The following CADM2 variants were observed in gnomAD, a reference collection of about 807,000 sequenced individuals.
CADM2 encodes the protein immunoglobulin superfamily member 4D.
A neutral mutation model predicts 49.8 loss-of-function variants in CADM2; 12 were observed. The ratio of observed to expected loss-of-function variants is 0.24; its 90% confidence interval spans 0.15 to 0.39. The LOEUF (loss-of-function observed/expected upper bound fraction) is 0.39, where lower values mean the gene tolerates loss of function less well. Ranked by LOEUF, CADM2 falls within the 10% of genes least tolerant of loss-of-function variation. The pLI, the probability that CADM2 is intolerant of heterozygous loss-of-function variation, is 1.00. For synonymous variants in CADM2, 214 were observed against 175.4 expected (o/e 1.22, Z -1.74); for missense variants, 378 against 492.3 (o/e 0.77, Z 2.20).
rs1182533876 is a variant in CADM2 at position 85,449,033 on chromosome 3, G to C, written c.62-277489G>C. On this transcript the variant is annotated intron_variant, in intron 1 of 9. Transcript: ENST00000383699. ...CCACTGAACTCCAGCCTCGGCAAAG[G>C]GGCGAGACTCCAACTCAAAAATAAT... Among the ~76,000 whole-genome samples, 3 of 91,046 alleles carry C rather than the reference G, an allele frequency of 3.3e-5. No homozygotes were observed. In the Admixed American group the frequency reaches 3.6e-4, roughly 11 times the overall value. 59.7% of individuals were successfully genotyped at this position (91,046 alleles called of 152,430 possible). A position where few individuals can be genotyped will look rare whatever the true frequency, so the allele number is the denominator to read the frequency against.
intron 1 of CADM2, among the ~76,000 whole-genome samples, chr3:85,294,542 C>T (rs1184783201): frequency 6.6e-6 from 1 of 152,070 alleles, no homozygotes; most frequent in African/African-American, 2.4e-5. Flanking sequence ...TCAAACTATA[C>T]TACAAGGCTA....
intron 8 of CADM2, among the ~76,000 whole-genome samples, chr3:86,036,332 T>C (rs1735154451): frequency 6.6e-6 from 1 of 152,134 alleles, no homozygotes; most frequent in Non-Finnish European, 1.5e-5. Flanking sequence ...TCAGTATTAT[T>C]TAATAACTTT....
intron 3 of CADM2, among the ~76,000 whole-genome samples, chr3:85,845,954 T>C (rs905040020): frequency 2.0e-5 from 3 of 152,112 alleles, no homozygotes; most frequent in Non-Finnish European, 4.4e-5. Context: ...AAACTCTTAA[T>C]GACTATAGAG....
intron 1 of CADM2, among the ~76,000 whole-genome samples, chr3:85,090,726 G>A (rs2037564169): frequency 6.6e-6 from 1 of 152,112 alleles, no homozygotes; most frequent in African/African-American, 2.4e-5. Flanking sequence ...AGCACCACCT[G>A]CTGTCAGATT....
chr3:85,920,099 C>T (rs540926653), intron 6 of CADM2, among the ~76,000 whole-genome samples: 69 of 151,950 alleles, frequency 4.5e-4, no homozygotes, highest in African/African-American at 1.6e-3. Context: ...TAGTTATATT[C>T]TCTTTGCTTT....
chr3:85,792,457 A>T, intron 2 of CADM2, among the ~76,000 whole-genome samples: 1 of 152,240 alleles, frequency 6.6e-6, no homozygotes, highest in East Asian at 1.9e-4. Flanking sequence ...TAGGAACTAA[A>T]GAATAGTGAG....
chr3:85,508,395 A>G (rs1444329305), intron 1 of CADM2, among the ~76,000 whole-genome samples: 2 of 152,192 alleles, frequency 1.3e-5, no homozygotes, highest in Non-Finnish European at 2.9e-5. Context: ...GAAGAGACAG[A>G]CAGTTTAGCT....
At chr3:84,992,779 C>A (rs2032966234) in intron 1 of CADM2, among the ~76,000 whole-genome samples, 1 of 152,142 alleles carries the variant, frequency 6.6e-6, no homozygotes, top group Admixed American at 6.5e-5. Flanking sequence ...CAATTCAATA[C>A]AGTTTCCACT....
rs2107474775 is a variant in CADM2 at position 86,074,232 on chromosome 3, A to C, written c.*7449A>C. 6.6e-6 allele frequency: 1 copy of C among 152,110 alleles called. No individual in the cohort carries two copies. Among genetic ancestry groups the C allele is most frequent in the South Asian group, 2.1e-4 (1 of 4,830 alleles). The allele number at this position is 152,110 out of a possible 1,614,324, so 9.4% of individuals were successfully genotyped here. On this transcript the variant is annotated 3_prime_UTR_variant, in exon 10 of 10. Coordinates refer to ENST00000383699, the MANE Select transcript of CADM2 (RefSeq NM_001167675.2). ...CTTCTGCCAATAAGGATTTCAGATA[A>C]GCTTTTAAATTTATGGAGGATTTTC...
rs10603844 is a variant in CADM2, at chr3:84,984,048, T to TAC, written c.61+24411_61+24412dup. Among the ~76,000 whole-genome samples the TAC allele has an allele frequency of 7.8e-3, 1,112 of 143,288 alleles. 7 individuals are homozygous for TAC. The highest frequency in any genetic ancestry group is 0.025 in the Admixed American group (358 of 14,066). The allele number at this position is 143,288 out of a possible 152,430, so 94.0% of individuals were successfully genotyped here. A position where few individuals can be genotyped will look rare whatever the true frequency, so the allele number is the denominator to read the frequency against. On this transcript the variant is annotated intron_variant, in intron 1 of 9. Transcript: ENST00000383699. ...CTTCATTGTGATATATATATATATA[T>TAC]ACACACACACACACACACACACACA...
At chr3:85,999,271 TG>T (rs1296304438) in intron 8 of CADM2, among the ~76,000 whole-genome samples, 3 of 143,236 alleles carry the variant, frequency 2.1e-5, no homozygotes, top group East Asian at 4.2e-4. Flanking sequence ...GGCCGAGGGT[TG>T]GGGGGTGGAT....
intron 7 of CADM2, among the ~76,000 whole-genome samples, chr3:85,949,034 A>G (rs575313959): frequency 4.0e-5 from 6 of 151,586 alleles, no homozygotes; most frequent in African/African-American, 1.4e-4. Context: ...GAATGAAGAT[A>G]GTGATGCAAC....
At chr3:85,281,832 G>A (rs1380962363) in intron 1 of CADM2, among the ~76,000 whole-genome samples, 1 of 152,038 alleles carries the variant, frequency 6.6e-6, no homozygotes. Flanking sequence ...ATCAGGTCAA[G>A]GCGGTATGCA....
chr3:85,292,854 A>G (rs983364798), intron 1 of CADM2, among the ~76,000 whole-genome samples: 4 of 152,188 alleles, frequency 2.6e-5, no homozygotes, highest in African/African-American at 7.2e-5. Context: ...TCCAAAACTG[A>G]CACCCTAACA....
At chr3:85,874,523 T>C (rs1711550167) in intron 3 of CADM2, among the ~76,000 whole-genome samples, 1 of 152,144 alleles carries the variant, frequency 6.6e-6, no homozygotes, top group African/African-American at 2.4e-5. Context: ...GTGATGGTTT[T>C]ATAGTTAGAT....
chr3:84,963,812 A>G (rs2030754773), intron 1 of CADM2, among the ~76,000 whole-genome samples: 1 of 152,134 alleles, frequency 6.6e-6, no homozygotes, highest in African/African-American at 2.4e-5. Context: ...CTTTCCAACT[A>G]TTTTACCTTT....
chr3:85,194,891 G>T (rs1205028533), intron 1 of CADM2, among the ~76,000 whole-genome samples: 4 of 151,948 alleles, frequency 2.6e-5, no homozygotes. Context: ...TGAAATAGAA[G>T]TAGTTCCAGA....
chr3:86,025,717 G>A (rs545396270), intron 8 of CADM2, among the ~76,000 whole-genome samples: 1 of 152,208 alleles, frequency 6.6e-6, no homozygotes, highest in East Asian at 1.9e-4. Flanking sequence ...AAAATTAAAT[G>A]TAACAAATAT....
At chr3:85,283,471 A>G (rs181730336) in intron 1 of CADM2, among the ~76,000 whole-genome samples, 1 of 152,068 alleles carries the variant, frequency 6.6e-6, no homozygotes, top group African/African-American at 2.4e-5. Flanking sequence ...AAAATAGCTA[A>G]TTTAAGAAAT....
Sources: gnomAD v4.1 joint callset for allele counts (sites outside exome capture counted in the v4.1 genomes callset) on GRCh38, gnomAD v4.1.1 for gene constraint, MANE v1.5 for transcripts, NCBI Gene and HGNC (gene_info 2026-07-23, HGNC 2026-07-21) for gene names.